The following MAPT variants were observed in gnomAD, a reference collection of about 807,000 sequenced individuals.
MAPT encodes the protein microtubule-associated protein tau.
A neutral mutation model predicts 67.9 loss-of-function variants in MAPT; 34 were observed. That is an observed-to-expected ratio of 0.50 (90% CI 0.38 to 0.67). MAPT has a LOEUF of 0.67. Ranked by LOEUF, MAPT falls within the 30% of genes least tolerant of loss-of-function variation. The probability of loss-of-function intolerance (pLI) is 0.00; values close to 1 mark genes in which losing one functional copy is unlikely to be tolerated. For missense variants in MAPT, 881 were observed against 1,115.2 expected (o/e 0.79, Z 2.99); for synonymous variants, 456 against 464.5 (o/e 0.98, Z 0.23).
rs1363780336 is a variant in MAPT, at chr17:45,983,025, C to T, written c.446C>T (p.Ala149Val). Residue 149 changes from alanine (A) to valine (V), a missense_variant, in exon 5 of 13, where the codon GCG (alanine) becomes GTG (valine). Transcript: ENST00000262410. ...CCAGAAGCTCCCGTCCCGCTGACCG[C>T]GAGCCTTCCTCAGCACCGTCCCGTT... Reference protein sequence around the residue: ...KEPEAPVPLTASLPQHRPVCP... With the variant: ...KEPEAPVPLTVSLPQHRPVCP... 3.8e-5 allele frequency: 56 copies of T among 1,477,540 alleles called. No homozygotes were observed. The East Asian group carries it at 7.0e-4, about 18-fold the overall frequency. The allele number at this position is 1,477,540 out of a possible 1,614,324, so 91.5% of individuals were successfully genotyped here. A position where few individuals can be genotyped will look rare whatever the true frequency, so the allele number is the denominator to read the frequency against.
chr17:46,020,581 C>T (rs762199799), intron 12 of MAPT, among the ~76,000 whole-genome samples: 8 of 152,168 alleles, frequency 5.3e-5, no homozygotes, highest in Non-Finnish European at 8.8e-5. Flanking sequence ...AGATAGAGGT[C>T]TGATGGACTC....
At chr17:45,903,147 G>A (rs760470360) in intron 1 of MAPT, among the ~76,000 whole-genome samples, 1 of 152,168 alleles carries the variant, frequency 6.6e-6, no homozygotes, top group South Asian at 2.1e-4. Context: ...TGCCAAGAAC[G>A]AAGTGCTGGG....
chr17:45,930,408 A>C (rs1424833521), intron 1 of MAPT, among the ~76,000 whole-genome samples: 1 of 103,626 alleles, frequency 9.7e-6, no homozygotes, highest in African/African-American at 2.8e-5. Flanking sequence ...TTCTGTCTCC[A>C]AAAAAAAAAA....
chr17:45,974,376 G>A (rs1316964210), intron 3 of MAPT: 2 of 1,596,858 alleles, frequency 1.3e-6, no homozygotes, highest in Admixed American at 1.7e-5. Flanking sequence ...GGATCTCGGT[G>A]GTTTCTAGAT....
intron 1 of MAPT, among the ~76,000 whole-genome samples, chr17:45,941,634 CTTTCCCT>C (rs1189567935): frequency 7.2e-5 from 9 of 124,402 alleles, no homozygotes; most frequent in African/African-American, 2.8e-4. Flanking sequence ...CTCCTTCCCT[CTTTCCCT>C]CCTTCCCCCC....
intron 1 of MAPT, among the ~76,000 whole-genome samples, chr17:45,916,828 C>A (rs1456189450): frequency 1.3e-5 from 2 of 152,206 alleles, no homozygotes; most frequent in African/African-American, 2.4e-5. Flanking sequence ...CAGTTAACCT[C>A]CCCAGAGTCA....
At chr17:45,960,254 A>G (rs1326765431) in intron 1 of MAPT, among the ~76,000 whole-genome samples, 1 of 152,256 alleles carries the variant, frequency 6.6e-6, no homozygotes, top group African/African-American at 2.4e-5. Flanking sequence ...TTCACGAAGC[A>G]GTGGCATTTT....
chr17:46,006,955 AAAAT>A (rs2075477716), intron 9 of MAPT, among the ~76,000 whole-genome samples: 1 of 126,928 alleles, frequency 7.9e-6, no homozygotes, highest in African/African-American at 2.8e-5. Flanking sequence ...ATAAAATAAT[AAAAT>A]AAAATAAAAT....
At chr17:45,982,805 C>G (rs977892376) in intron 4 of MAPT, 61 bp from the exon 5 acceptor site, 1 of 937,414 alleles carries the variant, frequency 1.1e-6, no homozygotes, top group African/African-American at 1.7e-5. Context: ...ATGATGCTCC[C>G]TCTCTTAAGC....
intron 1 of MAPT, among the ~76,000 whole-genome samples, chr17:45,932,955 G>T (rs187671914): frequency 2.6e-5 from 4 of 152,166 alleles, no homozygotes; most frequent in Admixed American, 1.3e-4. Flanking sequence ...GGTGGTACAC[G>T]CCTGTAATCC....
rs1274384720 is a variant in MAPT at position 45,983,601 on chromosome 17, C to T, written c.1022C>T (p.Pro341Leu). ...IPGFPAEGAI[P>L]LPVDFLSKVS... ...GGCTTCCCAGCGGAGGGTGCCATCC[C>T]CCTCCCTGTGGATTTCCTCTCCAAA... is the stretch of plus-strand genomic sequence containing the variant. Residue 341 changes from proline (P) to leucine (L), a missense_variant, in exon 5 of 13, where the codon CCC becomes CTC. Around this residue, in one of 6 missense-constraint regions of MAPT, gnomAD observed 687 missense variants for 766.1 expected, o/e 0.90. Transcript: ENST00000262410. 5 of 1,613,340 alleles carry T rather than the reference C, an allele frequency of 3.1e-6. No individual in the cohort carries two copies. The East Asian group carries it at 8.9e-5, about 29-fold the overall frequency.
chr17:45,903,747 TTA>T (rs1372952155), intron 1 of MAPT, among the ~76,000 whole-genome samples: 2 of 78,316 alleles, frequency 2.6e-5, no homozygotes, highest in South Asian at 2.9e-4. Flanking sequence ...CTCTTTGGTT[TTA>T]TATATATTTT....
intron 1 of MAPT, among the ~76,000 whole-genome samples, chr17:45,940,503 C>T (rs185127134): frequency 3.7e-4 from 56 of 152,304 alleles, no homozygotes; most frequent in Middle Eastern, 6.8e-3. Context: ...ATGATGTCAT[C>T]GTTGTCATGA....
At chr17:45,974,518 G>A (rs761561882) in intron 3 of MAPT, 2 of 1,474,422 alleles carry the variant, frequency 1.4e-6, no homozygotes, top group Non-Finnish European at 1.9e-6. Flanking sequence ...GCCCTGCTGG[G>A]TGCCCCAGCT....
intron 3 of MAPT, chr17:45,976,419 G>A (rs1248453925): frequency 6.6e-6 from 1 of 152,252 alleles, no homozygotes; most frequent in Non-Finnish European, 1.5e-5. Context: ...TCTCTCCAAG[G>A]AAATCCTCCT....
chr17:45,941,699 CT>C (rs2067962804), intron 1 of MAPT, among the ~76,000 whole-genome samples: 6 of 60,578 alleles, frequency 9.9e-5, no homozygotes, highest in African/African-American at 3.7e-4. Flanking sequence ...TCCTTCCTTC[CT>C]GCCTGCCTTC....
chr17:45,934,932 C>T (rs1215402140), intron 1 of MAPT, among the ~76,000 whole-genome samples: 1 of 152,088 alleles, frequency 6.6e-6, no homozygotes, highest in Non-Finnish European at 1.5e-5. Flanking sequence ...GTTTAATACC[C>T]ACGGGTTAAT....
rs63750612 is a variant in MAPT, at chr17:45,991,562, G to A, written c.1708G>A (p.Ala570Thr). 2.6e-3 allele frequency: 4,213 copies of A among 1,614,058 alleles called. 100 individuals are homozygous for A. The African/African-American group carries it at 0.049, about 19-fold the overall frequency. The stretch of plus-strand genomic sequence containing the variant: ...CAGGATTCCAGCAAAAACCCCGCCC[G>A]CTCCAAAGACACCACCCAGCTCTGG... ...ATRIPAKTPP[A>T]PKTPPSSGEP... The change falls in exon 8 of 13, where the codon GCT becomes ACT. Residue 570 changes from alanine (A) to threonine (T), a missense_variant. This residue lies in a region of MAPT where 687 missense variants were observed against 766.1 expected (regional missense o/e 0.90). Transcript: ENST00000262410.
At chr17:46,015,468 G>C (rs1598398382) in intron 11 of MAPT, among the ~76,000 whole-genome samples, 1 of 152,032 alleles carries the variant, frequency 6.6e-6, no homozygotes, top group South Asian at 2.1e-4. Flanking sequence ...GACCATCCTG[G>C]CTAACACGGT....
Sources: allele counts gnomAD v4.1 joint callset (sites outside exome capture counted in the v4.1 genomes callset), GRCh38; gene constraint gnomAD v4.1.1; regional missense constraint gnomAD v4.1.1; transcripts MANE v1.5; gene names NCBI Gene and HGNC (gene_info 2026-07-23, HGNC 2026-07-21).